PDE1C: variants seen among roughly 807,000 people sequenced by gnomAD.
The protein encoded by PDE1C is dual specificity calcium/calmodulin-dependent 3',5'-cyclic nucleotide phosphodiesterase 1C.
PDE1C carries 62 observed loss-of-function variants against 93.1 expected under a neutral mutation model. The ratio of observed to expected loss-of-function variants is 0.67; its 90% CI spans 0.54 to 0.82. The LOEUF is 0.82. Among genes scored for constraint, PDE1C ranks in the 40% least tolerant of loss-of-function variants. PDE1C has a pLI of 0.00. For synonymous variants in PDE1C, 325 were observed against 310.1 expected (o/e 1.05, Z -0.50); for missense variants, 742 against 884.6 (o/e 0.84, Z 2.04).
the PDE1C span, among the ~76,000 whole-genome samples, chr7:31,728,087 G>T: frequency 6.6e-6 from 1 of 152,130 alleles, no homozygotes; most frequent in African/African-American, 2.4e-5. Context: ...ACTTAAGGTT[G>T]ATTTATAGTC....
intron 2 of PDE1C, among the ~76,000 whole-genome samples, chr7:31,923,797 G>A (rs1802970078): frequency 6.6e-6 from 1 of 152,050 alleles, no homozygotes. Context: ...AACAAAGTGA[G>A]ACCTGATTTC....
intron 1 of PDE1C, among the ~76,000 whole-genome samples, chr7:32,276,536 C>T (rs749295794): frequency 5.3e-5 from 8 of 152,142 alleles, no homozygotes; most frequent in Non-Finnish European, 7.3e-5. Flanking sequence ...GGCTGGGTGA[C>T]TGCAAGAAAG....
chr7:32,091,123 G>A (rs182892196), intron 3 of PDE1C, among the ~76,000 whole-genome samples: 69 of 152,308 alleles, frequency 4.5e-4, no homozygotes, highest in African/African-American at 1.3e-3. Flanking sequence ...TTTCATAGCA[G>A]TAGTGCTTAT....
rs113302399 is a variant in PDE1C, at chr7:31,962,571, G to T, written c.129-81711C>A. Among the ~76,000 whole-genome samples, 1,203 of 152,330 alleles carry T rather than the reference G, an allele frequency of 7.9e-3. 13 individuals carry two copies. The highest frequency in any genetic ancestry group is 0.027 in the African/African-American group (1,132 of 41,578). ...GAAGCATAGAATTGGAACTAAAACT[G>T]TGTAGCCTTAAAGTGCTCTGGCCTG... On this transcript the variant is annotated intron_variant, in intron 2 of 17. Transcript: ENST00000396191.
chr7:31,832,028 A>T (rs750479265), intron 11 of PDE1C, among the ~76,000 whole-genome samples: 1 of 152,150 alleles, frequency 6.6e-6, no homozygotes, highest in Non-Finnish European at 1.5e-5. Flanking sequence ...AGAAAACTAG[A>T]ACTATCACAT....
intron 2 of PDE1C, among the ~76,000 whole-genome samples, chr7:31,964,680 G>A (rs557465106): frequency 7.9e-5 from 12 of 152,312 alleles, no homozygotes; most frequent in African/African-American, 2.6e-4. Context: ...CCTGACCCCC[G>A]AGTAGCCTAA....
intron 2 of PDE1C, chr7:32,169,968 G>A (rs749004324): frequency 1.2e-6 from 2 of 1,606,226 alleles, no homozygotes; most frequent in Non-Finnish European, 1.7e-6. Flanking sequence ...TGAGGCATGG[G>A]GAAAAGAGAG....
chr7:31,654,099 A>C, the PDE1C span, among the ~76,000 whole-genome samples: 1 of 152,122 alleles, frequency 6.6e-6, no homozygotes, highest in South Asian at 2.1e-4. Context: ...TACAATCCTG[A>C]AAAGAGCCTC....
At chr7:31,723,351 G>T in the PDE1C span, among the ~76,000 whole-genome samples, 3 of 152,168 alleles carry the variant, frequency 2.0e-5, no homozygotes, top group Non-Finnish European at 4.4e-5. Flanking sequence ...AGCTAACACA[G>T]CTGAGAATTT....
At chr7:32,308,379 G>A (rs1307213347) in intron 1 of PDE1C, among the ~76,000 whole-genome samples, 1 of 152,238 alleles carries the variant, frequency 6.6e-6, no homozygotes, top group Non-Finnish European at 1.5e-5. Context: ...GCTTTGAAGA[G>A]AGTAGTGGTT....
chr7:31,641,753 T>C, the PDE1C span, among the ~76,000 whole-genome samples: 6 of 152,156 alleles, frequency 3.9e-5, no homozygotes, highest in African/African-American at 1.4e-4. Context: ...AGGGTACTTA[T>C]CCAAACTTTA....
intron 11 of PDE1C, among the ~76,000 whole-genome samples, chr7:31,831,417 G>A (rs538705111): frequency 5.4e-4 from 82 of 151,970 alleles, no homozygotes; most frequent in African/African-American, 1.9e-3. Flanking sequence ...GATGCCAAGA[G>A]GCTAGGCAGA....
At chr7:31,933,760 G>A (rs990658082) in intron 2 of PDE1C, among the ~76,000 whole-genome samples, 6 of 152,130 alleles carry the variant, frequency 3.9e-5, no homozygotes, top group African/African-American at 4.8e-5. Context: ...AAAGTGTGTG[G>A]CACCTCCCCA....
At chr7:31,781,060 C>T (rs1439400044) in intron 16 of PDE1C, among the ~76,000 whole-genome samples, 4 of 152,160 alleles carry the variant, frequency 2.6e-5, no homozygotes, top group African/African-American at 4.8e-5. Flanking sequence ...TTTGGTTCAA[C>T]TAGAGGGCAA....
intron 2 of PDE1C, among the ~76,000 whole-genome samples, chr7:31,901,862 A>G (rs1284416133): frequency 6.6e-6 from 1 of 151,712 alleles, no homozygotes; most frequent in African/African-American, 2.4e-5. Flanking sequence ...TAACAGTAAA[A>G]AAGTCTGAAT....
chr7:31,766,308 T>C (rs979500350), intron 17 of PDE1C, among the ~76,000 whole-genome samples: 16 of 151,032 alleles, frequency 1.1e-4, no homozygotes, highest in African/African-American at 2.4e-4. Flanking sequence ...GGCGTGAACC[T>C]GGGAGGCGGA....
Position 32,374,199 on chromosome 7 carries a change from G to GAAAGAAGAAAGAAA in PDE1C, c.310+53622_310+53623insTTTCTTTCTTCTTT, listed in dbSNP as rs1562695857. Reference sequence around the variant, plus strand: ...GAAAGAAAGAAAGAAAGAAAGAGAGGGAAAGAGAGGGAAAGAAAGGGAAAG... The same window carrying GAAAGAAGAAAGAAA: ...GAAAGAAAGAAAGAAAGAAAGAGAGGAAAGAAGAAAGAAAGAAAGAGAGGGAAAGAAAGGGAAAG... On this transcript the variant is annotated intron_variant, in intron 1 of 1. Coordinates refer to the PDE1C transcript ENST00000672256. Among the ~76,000 whole-genome samples, 3 of 123,130 alleles carry GAAAGAAGAAAGAAA rather than the reference G, an allele frequency of 2.4e-5. 1 individual carries two copies. The highest frequency in any genetic ancestry group is 3.9e-5 in the African/African-American group (1 of 25,602). The allele number at this position is 123,130 out of a possible 152,430, so 80.8% of individuals were successfully genotyped here. A position where few individuals can be genotyped will look rare whatever the true frequency, so the allele number is the denominator to read the frequency against.
At chr7:31,958,459 G>C (rs1448695690) in intron 2 of PDE1C, among the ~76,000 whole-genome samples, 1 of 152,198 alleles carries the variant, frequency 6.6e-6, no homozygotes, top group African/African-American at 2.4e-5. Flanking sequence ...GACACTCTAT[G>C]ACTAATTCTT....
At chr7:32,426,375 GCTATC>G (rs1785534272) in intron 1 of PDE1C, among the ~76,000 whole-genome samples, 1 of 151,310 alleles carries the variant, frequency 6.6e-6, no homozygotes, top group African/African-American at 2.4e-5. Context: ...CTGGGATTAA[GCTATC>G]CTACTGCCTC....
Sources: allele counts gnomAD v4.1 joint callset (sites outside exome capture counted in the v4.1 genomes callset), GRCh38; gene constraint gnomAD v4.1.1; transcripts MANE v1.5; gene names NCBI Gene and HGNC (gene_info 2026-07-23, HGNC 2026-07-21).